RAPGEF6: variants seen among roughly 807,000 people sequenced by gnomAD.
RAPGEF6 encodes the protein Rap guanine nucleotide exchange factor 6, also known as PDZ domain containing guanine nucleotide exchange factor (GEF) 2.
Under a neutral mutation model 171.4 loss-of-function variants are expected in RAPGEF6, and 56 were observed. The ratio of observed to expected loss-of-function variants is 0.33; its 90% CI spans 0.26 to 0.41. RAPGEF6 has a LOEUF of 0.41. Ranked by LOEUF, RAPGEF6 falls within the 10% of genes least tolerant of loss-of-function variation. The pLI, the probability that RAPGEF6 is intolerant of heterozygous loss-of-function variation, is 1.00. For synonymous variants in RAPGEF6, 692 were observed against 650.1 expected (o/e 1.06, Z -0.98); for missense variants, 1,674 against 1,921.4 (o/e 0.87, Z 2.41).
intron 15 of RAPGEF6, among the ~76,000 whole-genome samples, chr5:131,484,836 T>G (rs1446011013): frequency 3.3e-5 from 5 of 152,328 alleles, no homozygotes; most frequent in African/African-American, 1.2e-4. Flanking sequence ...CACAGTATGG[T>G]TCCATTGTAT....
chr5:131,501,989 G>C (rs1580927757), intron 11 of RAPGEF6, among the ~76,000 whole-genome samples: 1 of 152,152 alleles, frequency 6.6e-6, no homozygotes, highest in Non-Finnish European at 1.5e-5. Context: ...TTGAGAAATG[G>C]CTAATTCCAG....
intron 17 of RAPGEF6, chr5:131,469,837 CA>C: frequency 6.6e-7 from 1 of 1,517,028 alleles, no homozygotes; most frequent in Non-Finnish European, 8.8e-7. Flanking sequence ...AAAAATAAAG[CA>C]AAATCAAAGT....
chr5:131,456,147 A>G (rs1287988767), intron 19 of RAPGEF6, 135 bp from the exon 20 acceptor site: 2 of 603,300 alleles, frequency 3.3e-6, no homozygotes, highest in African/African-American at 3.7e-5. Flanking sequence ...AATAAACAAG[A>G]GAAAAACTGA....
rs764591378 is a variant in RAPGEF6 at position 131,464,098 on chromosome 5, T to C, written c.2423A>G (p.Gln808Arg). 21 of 1,613,214 alleles carry C rather than the reference T, an allele frequency of 1.3e-5. No individual in the cohort carries two copies. Among genetic ancestry groups the C allele is most frequent in the Non-Finnish European group, 1.1e-5 (13 of 1,179,592 alleles). Residue 808 changes from glutamine (Q) to arginine (R), a missense_variant, in exon 18 of 28, where the codon CAG (glutamine) becomes CGG (arginine). Transcript: ENST00000509018. ...VSVTPEGVIK[Q>R]RRLPDQFSKL... Reference sequence around the variant, plus strand: ...GGAGAACTGATCTGGAAGTCTTCTCTGTTTTATGACACCCTCAGGAGTAAC... The same window carrying C: ...GGAGAACTGATCTGGAAGTCTTCTCCGTTTTATGACACCCTCAGGAGTAAC...
chr5:131,528,334 T>TAA (rs1347022719), intron 6 of RAPGEF6, among the ~76,000 whole-genome samples: 4 of 37,988 alleles, frequency 1.1e-4, no homozygotes, highest in Non-Finnish European at 3.0e-4. Context: ...TATATATATA[T>TAA]ATATACACAC....
At chr5:131,439,865 G>A in intron 23 of RAPGEF6, 150 bp from the exon 24 acceptor site, 1 of 1,335,332 alleles carries the variant, frequency 7.5e-7, no homozygotes, top group African/African-American at 1.5e-5. Context: ...CTAAATGACT[G>A]GGTAATGGCA....
chr5:131,594,064 C>A (rs1481585763), intron 3 of RAPGEF6, among the ~76,000 whole-genome samples: 1 of 152,194 alleles, frequency 6.6e-6, no homozygotes, highest in Admixed American at 6.5e-5. Context: ...TCTTTCAAGG[C>A]AGCCTCTCCT....
At chr5:131,531,314 ACT>A (rs1367511963) in intron 6 of RAPGEF6, among the ~76,000 whole-genome samples, 2 of 152,240 alleles carry the variant, frequency 1.3e-5, no homozygotes, top group Non-Finnish European at 2.9e-5. Flanking sequence ...TTGAAAAAAC[ACT>A]GTTTTATAAT....
intron 1 of RAPGEF6, among the ~76,000 whole-genome samples, chr5:131,621,727 A>G (rs1765603355): frequency 2.6e-5 from 4 of 152,180 alleles, no homozygotes; most frequent in Admixed American, 2.6e-4. Context: ...CAGCACAGGC[A>G]CAACGATCAT....
intron 5 of RAPGEF6, among the ~76,000 whole-genome samples, chr5:131,553,546 T>C (rs115984454): frequency 0.019 from 2,834 of 152,192 alleles, 90 homozygotes; most frequent in African/African-American, 0.065. Flanking sequence ...ATGTTATAGG[T>C]TCACTGGAAA....
chr5:131,491,508 A>G (rs900583403), intron 14 of RAPGEF6, among the ~76,000 whole-genome samples: 1 of 152,210 alleles, frequency 6.6e-6, no homozygotes, highest in African/African-American at 2.4e-5. Flanking sequence ...CCTTTGAAGT[A>G]CATGAGAATC....
chr5:131,549,681 TAA>T (rs963680900), intron 5 of RAPGEF6, among the ~76,000 whole-genome samples: 1 of 146,212 alleles, frequency 6.8e-6, no homozygotes. Flanking sequence ...CCCTGTCTCT[TAA>T]AAAAAAAAAA....
intron 6 of RAPGEF6, among the ~76,000 whole-genome samples, chr5:131,538,164 T>C (rs578127766): frequency 6.6e-6 from 1 of 152,300 alleles, no homozygotes; most frequent in East Asian, 1.9e-4. Flanking sequence ...ATAGCAACTA[T>C]CTACACTGCA....
At chr5:131,478,673 G>C (rs1755268746) in intron 16 of RAPGEF6, among the ~76,000 whole-genome samples, 1 of 152,116 alleles carries the variant, frequency 6.6e-6, no homozygotes, top group Non-Finnish European at 1.5e-5. Flanking sequence ...CCTGTCTCTG[G>C]CTTAGTATAT....
Position 131,579,362 on chromosome 5 carries a change from G to A in RAPGEF6, c.281+13021C>T, listed in dbSNP as rs146134844. ...ACAGTGTGGAAGGGGACAGGAGCAGGTTGCCTGCTGGCTGGCACAGCCTGC... is the reference window on the plus strand; with the variant it reads ...ACAGTGTGGAAGGGGACAGGAGCAGATTGCCTGCTGGCTGGCACAGCCTGC... On this transcript the variant is annotated intron_variant, in intron 4 of 27. Coordinates refer to ENST00000509018, the MANE Select transcript of RAPGEF6 (RefSeq NM_016340.6). 3.3e-3 allele frequency among the ~76,000 whole-genome samples: 502 copies of A among 152,346 alleles called. 1 individual carries two copies. Among genetic ancestry groups the A allele is most frequent in the African/African-American group, 0.012 (481 of 41,582 alleles).
At chr5:131,471,201 G>C (rs927564779) in intron 17 of RAPGEF6, among the ~76,000 whole-genome samples, 1 of 152,156 alleles carries the variant, frequency 6.6e-6, no homozygotes, top group Non-Finnish European at 1.5e-5. Flanking sequence ...TCTTAGGAAA[G>C]TAATGACTCA....
chr5:131,521,128 T>C (rs1758447150), intron 7 of RAPGEF6, among the ~76,000 whole-genome samples: 1 of 152,224 alleles, frequency 6.6e-6, no homozygotes, highest in East Asian at 1.9e-4. Context: ...AAGCATTAGA[T>C]ATTAATATGG....
At chr5:131,608,374 C>G (rs535488298) in intron 1 of RAPGEF6, among the ~76,000 whole-genome samples, 1 of 152,200 alleles carries the variant, frequency 6.6e-6, no homozygotes, top group South Asian at 2.1e-4. Flanking sequence ...AAAAAGACTA[C>G]TTTACAAATA....
At chr5:131,527,840 C>G (rs1758993408) in intron 6 of RAPGEF6, among the ~76,000 whole-genome samples, 1 of 151,242 alleles carries the variant, frequency 6.6e-6, no homozygotes, top group Non-Finnish European at 1.5e-5. Context: ...ACGGTGAAAC[C>G]CTGTCTCTAC....
Sources: gnomAD v4.1 joint callset for allele counts (sites outside exome capture counted in the v4.1 genomes callset) on GRCh38, gnomAD v4.1.1 for gene constraint, MANE v1.5 for transcripts, NCBI Gene and HGNC (gene_info 2026-07-23, HGNC 2026-07-21) for gene names.